Variants in LARS1 observed in about 807,000 individuals in gnomAD.
The protein encoded by LARS1 is leucine--tRNA ligase, cytoplasmic.
LARS1 carries 100 observed loss-of-function variants against 162.8 expected under a neutral mutation model. That is an observed-to-expected ratio of 0.61 (90% CI 0.52 to 0.73). The LOEUF (loss-of-function observed/expected upper bound fraction) is 0.73, where lower values mean the gene tolerates loss of function less well. LARS1 is among the 30% of genes least tolerant of loss of function. The pLI is 0.00. For synonymous variants in LARS1, 457 were observed against 462.8 expected (o/e 0.99, Z 0.16); for missense variants, 1,258 against 1,408.9 (o/e 0.89, Z 1.71).
At chr5:146,163,673 G>A (rs535089814) in intron 6 of LARS1, among the ~76,000 whole-genome samples, 5 of 152,184 alleles carry the variant, frequency 3.3e-5, no homozygotes, top group Non-Finnish European at 5.9e-5. Context: ...GTGACAGAGC[G>A]AGACTCCATC....
chr5:146,155,966 A>G (rs1220943992), intron 10 of LARS1, among the ~76,000 whole-genome samples: 1 of 152,236 alleles, frequency 6.6e-6, no homozygotes, highest in African/African-American at 2.4e-5. Flanking sequence ...CAACCAAACA[A>G]TGAAATACTA....
intron 10 of LARS1, 57 bp downstream of exon 10, chr5:146,157,346 G>C (rs1753575563): frequency 7.0e-7 from 1 of 1,429,518 alleles, no homozygotes; most frequent in African/African-American, 1.4e-5. Flanking sequence ...AATATTCATT[G>C]TTGAAATTTT....
rs1420400920 is a variant in LARS1, at chr5:146,171,994, C to G, written c.214-4G>C. 4 of 1,609,914 alleles carry G rather than the reference C, an allele frequency of 2.5e-6. No homozygotes were observed. Among genetic ancestry groups the G allele is most frequent in the Non-Finnish European group, 3.4e-6 (4 of 1,176,782 alleles). On this transcript the variant is annotated splice_polypyrimidine_tract_variant and splice_region_variant and intron_variant, in intron 3 of 31. Coordinates refer to ENST00000394434, the MANE Select transcript of LARS1 (RefSeq NM_020117.11). ...ATCGCTGGTACCCTACAGCAAACTA[C>G]AGAAATAAAATTAAATTTAAATTGC...
intron 19 of LARS1, 104 bp from the exon 20 acceptor site, chr5:146,143,188 T>C (rs1281500047): frequency 3.7e-6 from 3 of 821,696 alleles, no homozygotes; most frequent in Non-Finnish European, 5.2e-6. Context: ...TCTTTCTTAA[T>C]GTAGTTACAG....
intron 6 of LARS1, among the ~76,000 whole-genome samples, chr5:146,163,685 C>T (rs2126553949): frequency 6.6e-6 from 1 of 151,830 alleles, no homozygotes; most frequent in East Asian, 1.9e-4. Flanking sequence ...GACTCCATCT[C>T]AAAAAAACAA....
intron 22 of LARS1, 53 bp from the exon 23 acceptor site, chr5:146,133,134 A>C: frequency 6.6e-7 from 1 of 1,514,898 alleles, no homozygotes; most frequent in Non-Finnish European, 9.1e-7. Context: ...ACTGAGTATC[A>C]ACTGTGTCCT....
At chr5:146,155,044 G>GT (rs1753460883) in intron 10 of LARS1, among the ~76,000 whole-genome samples, 1 of 151,896 alleles carries the variant, frequency 6.6e-6, no homozygotes, top group Non-Finnish European at 1.5e-5. Flanking sequence ...TAGAGACAGG[G>GT]TTTCACCATG....
chr5:146,147,783 C>T (rs1174187144), intron 15 of LARS1, among the ~76,000 whole-genome samples: 1 of 151,974 alleles, frequency 6.6e-6, no homozygotes, highest in African/African-American at 2.4e-5. Flanking sequence ...GAAATGTTCC[C>T]CAAATTGAAG....
rs202235327 is a variant in LARS1 at position 146,160,056 on chromosome 5, AAAG to A, written c.707+315_707+317del. ...GGAAAAAAGGAAAACAAAGGATACAAAAGAATAGAAACAACATATTTTAAAACC... is the reference window on the plus strand; with the variant it reads ...GGAAAAAAGGAAAACAAAGGATACAAAATAGAAACAACATATTTTAAAACC... On this transcript the variant is annotated intron_variant, in intron 7 of 31. Coordinates refer to ENST00000394434, the MANE Select transcript of LARS1 (RefSeq NM_020117.11). Among the ~76,000 whole-genome samples, 2,994 of 152,286 alleles carry A rather than the reference AAAG, an allele frequency of 0.02. 40 individuals carry two copies. The highest frequency in any genetic ancestry group is 0.029 in the Non-Finnish European group (1,985 of 68,020).
rs1219329359 is a variant in LARS1 at position 146,153,944 on chromosome 5, A to T, written c.1102T>A (p.Ser368Thr). 3 of 1,611,194 alleles carry T rather than the reference A, an allele frequency of 1.9e-6. No individual in the cohort carries two copies. The highest frequency in any genetic ancestry group is 2.2e-5 in the South Asian group (2 of 90,616). Residue 368 changes from serine (S) to threonine (T), a missense_variant, in exon 11 of 32, where the codon TCA (serine) becomes ACA (threonine). Ser to Thr is a moderately conservative substitution (Grantham distance 58, BLOSUM62 1). Coordinates refer to ENST00000394434, the MANE Select transcript of LARS1 (RefSeq NM_020117.11). ...LGASLSAPLT[S>T]YKVIYVLPML... The stretch of plus-strand genomic sequence containing the variant: ...GGGAGAACATAGATCACCTTGTATG[A>T]TGTTAAAGGTGCAGAAAGTGATGCA...
rs961662369 is a variant in LARS1, at chr5:146,146,966, C to T, written c.1504-2257G>A. Among the ~76,000 whole-genome samples the T allele has an allele frequency of 4.6e-5, 7 of 152,036 alleles. No individual in the cohort carries two copies. In the East Asian group the frequency reaches 1.4e-3, roughly 29 times the overall value. Reference sequence around the variant, plus strand: ...ACCTCAAGTGATCCACCGGTCTCAGCCTCCCAAAGTACTGGGATTACAGGT... The same window carrying T: ...ACCTCAAGTGATCCACCGGTCTCAGTCTCCCAAAGTACTGGGATTACAGGT... On this transcript the variant is annotated intron_variant, in intron 15 of 31. Coordinates refer to ENST00000394434, the MANE Select transcript of LARS1 (RefSeq NM_020117.11).
At position 146,172,625 on chromosome 5, in the gene LARS1, C is replaced by T. The variant is rs926521550; in HGVS notation, c.213+62G>A. The T allele has an allele frequency of 6.3e-6, 6 of 945,756 alleles. No individual in the cohort carries two copies. The African/African-American group carries it at 1.0e-4, about 16-fold the overall frequency. 58.6% of individuals were successfully genotyped at this position (945,756 alleles called of 1,614,324 possible). A position where few individuals can be genotyped will look rare whatever the true frequency, so the allele number is the denominator to read the frequency against. On this transcript the variant is annotated intron_variant, in intron 3 of 31. Transcript: ENST00000394434. ...TAATAAATTCTATAGCTGCCATTTT[C>T]TTCAAAACAATATTCGTTAAAAACC...
Position 146,129,074 on chromosome 5 carries a change from A to T in LARS1, c.2673T>A (p.Val891=). 3 of 1,605,244 alleles carry T rather than the reference A, an allele frequency of 1.9e-6. No homozygotes were observed. The South Asian group carries it at 3.3e-5, about 18-fold the overall frequency. The change falls in exon 26 of 32, where the codon GTT becomes GTA. Residue 891 remains valine (V), a synonymous_variant. Coordinates refer to ENST00000394434, the MANE Select transcript of LARS1 (RefSeq NM_020117.11). The part of the protein sequence containing the change: ...MNASWPVAGP[V]NEVLIHSSQY... The stretch of plus-strand genomic sequence containing the variant: ...GTGAGGAGTGTATTAAAACTTCATT[A>T]ACAGGACCTGCCACAGGCCATGAAG...
intron 27 of LARS1, among the ~76,000 whole-genome samples, chr5:146,127,031 A>G (rs883639): frequency 0.015 from 2,319 of 152,134 alleles, 59 homozygotes; most frequent in African/African-American, 0.052. Flanking sequence ...TCCATATCAT[A>G]TATCACTGAT....
chr5:146,142,029 GCA>G (rs1295120560), intron 20 of LARS1, among the ~76,000 whole-genome samples: 1 of 152,040 alleles, frequency 6.6e-6, no homozygotes, highest in Non-Finnish European at 1.5e-5. Context: ...GCGTAGTGGT[GCA>G]CACCTGTAAT....
rs369197922 is a variant in LARS1, at chr5:146,160,364, A to G, written c.707+10T>C. 6.8e-6 allele frequency: 10 copies of G among 1,475,874 alleles called. No individual in the cohort carries two copies. The highest frequency in any genetic ancestry group is 1.7e-4 in the Middle Eastern group (1 of 5,780). 91.4% of individuals were successfully genotyped at this position (1,475,874 alleles called of 1,614,324 possible). ...TTTTGCTTTATTATGCTCAAGTATA[A>G]CAAACTTACCGCTTCCCAAATTTAA... On this transcript the variant is annotated intron_variant, in intron 7 of 31. Coordinates refer to ENST00000394434, the MANE Select transcript of LARS1 (RefSeq NM_020117.11).
intron 10 of LARS1, among the ~76,000 whole-genome samples, chr5:146,155,492 T>C (rs764517766): frequency 1.2e-4 from 19 of 152,248 alleles, no homozygotes; most frequent in Non-Finnish European, 1.5e-5. Flanking sequence ...AGGATAGTTC[T>C]AATTTCACTT....
chr5:146,115,339 C>T lies in LARS1; in HGVS notation c.3326-1028G>A, dbSNP rs74660667. 9.6e-3 allele frequency among the ~76,000 whole-genome samples: 1,456 copies of T among 152,002 alleles called. 25 individuals are homozygous for T. Among genetic ancestry groups the T allele is most frequent in the African/African-American group, 0.034 (1,398 of 41,460 alleles). ...AACTTGCAAGAATTGTAGCTTTTCT[C>T]AGAGATACTTTTGGATAAATAATGA... On this transcript the variant is annotated intron_variant, in intron 31 of 31. Coordinates refer to ENST00000394434, the MANE Select transcript of LARS1 (RefSeq NM_020117.11).
At chr5:146,160,829 C>A (rs2126544784) in intron 6 of LARS1, among the ~76,000 whole-genome samples, 1 of 152,210 alleles carries the variant, frequency 6.6e-6, no homozygotes, top group East Asian at 1.9e-4. Context: ...GTTAATATGT[C>A]AATATACATT....
Sources: allele counts gnomAD v4.1 joint callset (sites outside exome capture counted in the v4.1 genomes callset), GRCh38; gene constraint gnomAD v4.1.1; transcripts MANE v1.5; gene names NCBI Gene and HGNC (gene_info 2026-07-23, HGNC 2026-07-21).